PDE4B: variants seen among roughly 807,000 people sequenced by gnomAD.
PDE4B encodes the protein phosphodiesterase 4B, also known as 3',5'-cyclic-AMP phosphodiesterase 4B.
In PDE4B, 20 loss-of-function variants were observed where a neutral mutation model predicts 82.2. The ratio of observed to expected loss-of-function variants is 0.24; its 90% CI spans 0.17 to 0.35. The LOEUF is 0.35. Ranked by LOEUF, PDE4B falls within the 10% of genes least tolerant of loss-of-function variation. The pLI, the probability that PDE4B is intolerant of heterozygous loss-of-function variation, is 1.00. For missense variants in PDE4B, 655 were observed against 907.2 expected (o/e 0.72, Z 3.57); for synonymous variants, 320 against 318.9 (o/e 1.00, Z -0.04).
chr1:66,005,508 T>A (rs1364261485), intron 3 of PDE4B, among the ~76,000 whole-genome samples: 1 of 152,168 alleles, frequency 6.6e-6, no homozygotes, highest in East Asian at 1.9e-4. Flanking sequence ...TTGATCAGGC[T>A]ATTGTGTCAC....
At chr1:66,054,329 T>C (rs1406266287) in intron 3 of PDE4B, among the ~76,000 whole-genome samples, 1 of 152,166 alleles carries the variant, frequency 6.6e-6, no homozygotes, top group African/African-American at 2.4e-5. Flanking sequence ...GGGGGGATAA[T>C]TGATAGCAAA....
At chr1:66,281,423 A>C (rs990612541) in intron 7 of PDE4B, among the ~76,000 whole-genome samples, 2 of 152,186 alleles carry the variant, frequency 1.3e-5, no homozygotes, top group African/African-American at 4.8e-5. Flanking sequence ...AACCCACTAG[A>C]GATCTGGAAG....
intron 1 of PDE4B, among the ~76,000 whole-genome samples, chr1:65,820,929 T>C (rs1382615887): frequency 6.6e-6 from 1 of 152,252 alleles, no homozygotes; most frequent in Non-Finnish European, 1.5e-5. Flanking sequence ...TTGAAATCTC[T>C]GTAAGGTAAG....
At chr1:66,284,533 C>T (rs1057206041) in intron 7 of PDE4B, among the ~76,000 whole-genome samples, 1 of 152,138 alleles carries the variant, frequency 6.6e-6, no homozygotes, top group Non-Finnish European at 1.5e-5. Flanking sequence ...TGGTGCATAC[C>T]TGTAGTTCGA....
intron 1 of PDE4B, among the ~76,000 whole-genome samples, chr1:65,794,500 G>T (rs1037110439): frequency 6.6e-6 from 1 of 152,122 alleles, no homozygotes; most frequent in African/African-American, 2.4e-5. Flanking sequence ...ATCTGTACAT[G>T]AATTCACAAG....
intron 3 of PDE4B, among the ~76,000 whole-genome samples, chr1:65,929,208 G>A (rs1187129483): frequency 6.6e-6 from 1 of 152,152 alleles, no homozygotes; most frequent in East Asian, 1.9e-4. Context: ...CCTCAGGGGA[G>A]GCCATCACTG....
chr1:66,127,713 C>T (rs935463340), intron 3 of PDE4B, among the ~76,000 whole-genome samples: 15 of 152,018 alleles, frequency 9.9e-5, no homozygotes, highest in Admixed American at 3.9e-4. Context: ...CTATACGGCC[C>T]GTCATTAGCA....
intron 7 of PDE4B, among the ~76,000 whole-genome samples, chr1:66,329,584 C>G (rs933528036): frequency 6.6e-6 from 1 of 152,176 alleles, no homozygotes; most frequent in Non-Finnish European, 1.5e-5. Flanking sequence ...TCCTCACACT[C>G]TTTTCTACCC....
At position 66,367,815 on chromosome 1, in the gene PDE4B, C is replaced by G. The variant is rs1456984651; in HGVS notation, c.1504C>G (p.Gln502Glu). The G allele has an allele frequency of 6.2e-7, 1 of 1,613,750 alleles. No homozygotes were observed. The highest frequency in any genetic ancestry group is 8.5e-7 in the Non-Finnish European group (1 of 1,179,788). Residue 502 changes from glutamine to glutamate, a missense_variant, in exon 14 of 17, where the codon CAG (glutamine) becomes GAG (glutamate). This residue lies in a region of PDE4B where 283 missense variants were observed against 516.4 expected (regional missense o/e 0.55). Coordinates refer to ENST00000341517, the MANE Select transcript of PDE4B (RefSeq NM_002600.4). ...CDIFMNLTKK[Q>E]RQTLRKMVID... The stretch of plus-strand genomic sequence containing the variant: ...CATCTTCATGAATCTCACCAAGAAG[C>G]AGCGTCAGACACTCAGGAAGATGGT...
intron 3 of PDE4B, among the ~76,000 whole-genome samples, chr1:65,931,387 G>T (rs961202576): frequency 4.3e-4 from 66 of 152,108 alleles, no homozygotes; most frequent in African/African-American, 1.5e-3. Flanking sequence ...AATTATCTTT[G>T]CAGATGACAT....
chr1:65,962,268 C>T (rs1016238895), intron 3 of PDE4B, among the ~76,000 whole-genome samples: 5 of 152,062 alleles, frequency 3.3e-5, no homozygotes, highest in Admixed American at 2.6e-4. Context: ...TCACAACTTC[C>T]TAAGGTCAAA....
chr1:65,921,007 C>T (rs1431030006), intron 3 of PDE4B, among the ~76,000 whole-genome samples: 5 of 111,964 alleles, frequency 4.5e-5, no homozygotes, highest in Non-Finnish European at 8.2e-5. Flanking sequence ...CTCGCTCTGT[C>T]GCCCAGGCTG....
intron 3 of PDE4B, among the ~76,000 whole-genome samples, chr1:66,095,690 T>TA (rs1645100967): frequency 6.6e-6 from 1 of 151,962 alleles, no homozygotes; most frequent in Admixed American, 6.6e-5. Context: ...GATTGCTGTG[T>TA]AATATCATAT....
chr1:66,236,398 TC>T (rs1342082567), intron 3 of PDE4B, among the ~76,000 whole-genome samples: 1 of 152,156 alleles, frequency 6.6e-6, no homozygotes, highest in African/African-American at 2.4e-5. Context: ...TGCTTTTCAA[TC>T]ACTTATCTTT....
intron 1 of PDE4B, among the ~76,000 whole-genome samples, chr1:65,865,226 C>T (rs1646497592): frequency 1.3e-5 from 2 of 152,144 alleles, no homozygotes; most frequent in Admixed American, 6.5e-5. Context: ...GATGTCCTTC[C>T]CCACACCAAG....
chr1:66,064,929 T>C (rs1655770841), intron 3 of PDE4B, among the ~76,000 whole-genome samples: 1 of 151,976 alleles, frequency 6.6e-6, no homozygotes, highest in Non-Finnish European at 1.5e-5. Context: ...CTTTTCTCAT[T>C]TTATAACTCT....
chr1:66,144,369 G>A (rs1646229626), intron 3 of PDE4B, among the ~76,000 whole-genome samples: 1 of 152,154 alleles, frequency 6.6e-6, no homozygotes, highest in African/African-American at 2.4e-5. Flanking sequence ...ATAGAAACAA[G>A]CGCGTCAAAG....
chr1:66,177,298 A>G (rs781412966), intron 3 of PDE4B, among the ~76,000 whole-genome samples: 5 of 152,192 alleles, frequency 3.3e-5, no homozygotes, highest in East Asian at 1.9e-4. Context: ...AAGGCAAGAA[A>G]TGTTGTCTGT....
chr1:66,371,093 A>AATATATATATATAT (rs2050748186), intron 16 of PDE4B, among the ~76,000 whole-genome samples: 1 of 48,926 alleles, frequency 2.0e-5, no homozygotes, highest in East Asian at 1.3e-3. Flanking sequence ...CACACATCAT[A>AATATATATATATAT]CTATATATAT....
Sources: allele counts gnomAD v4.1 joint callset (sites outside exome capture counted in the v4.1 genomes callset), GRCh38; gene constraint gnomAD v4.1.1; regional missense constraint gnomAD v4.1.1; transcripts MANE v1.5; gene names NCBI Gene and HGNC (gene_info 2026-07-23, HGNC 2026-07-21).